Variants in PSD3 observed in about 807,000 individuals in gnomAD.
PSD3 encodes PH and SEC7 domain-containing protein 3.
Under a neutral mutation model 105.5 loss-of-function variants are expected in PSD3, and 49 were observed. The ratio of observed to expected loss-of-function variants is 0.46; its 90% CI spans 0.37 to 0.59. The LOEUF (loss-of-function observed/expected upper bound fraction) is 0.59, where lower values mean the gene tolerates loss of function less well. Among genes scored for constraint, PSD3 ranks in the 20% least tolerant of loss-of-function variants. The pLI, the probability that PSD3 is intolerant of heterozygous loss-of-function variation, is 0.00. For synonymous variants in PSD3, 557 were observed against 457.8 expected (o/e 1.22, Z -2.77); for missense variants, 1,561 against 1,263.8 (o/e 1.24, Z -3.57).
In PSD3 at chr8:18,964,269, G is replaced by A. The variant is rs73588659; in HGVS notation, c.22-28127C>T. Among the ~76,000 whole-genome samples, 1,059 of 152,206 alleles carry A rather than the reference G, an allele frequency of 7.0e-3. 13 individuals are homozygous for A. Among genetic ancestry groups the A allele is most frequent in the African/African-American group, 0.024 (1,017 of 41,528 alleles). ...CATCCCAGTAGCTGGGACTACATGTGCCACCATGCCTGGCTAATTGTTTTA... is the reference window on the plus strand; with the variant it reads ...CATCCCAGTAGCTGGGACTACATGTACCACCATGCCTGGCTAATTGTTTTA... On this transcript the variant is annotated intron_variant, in intron 1 of 15. Transcript: ENST00000327040.
chr8:18,722,793 A>G (rs1413768574), intron 9 of PSD3, among the ~76,000 whole-genome samples: 1 of 152,136 alleles, frequency 6.6e-6, no homozygotes, highest in South Asian at 2.1e-4. Flanking sequence ...TCATCTATCT[A>G]TAGAGCCCAT....
chr8:18,621,301 A>G (rs1275737931), intron 11 of PSD3, among the ~76,000 whole-genome samples: 2 of 152,168 alleles, frequency 1.3e-5, no homozygotes, highest in African/African-American at 2.4e-5. Context: ...CCTGTTACTC[A>G]GGAGGCCACA....
intron 4 of PSD3, among the ~76,000 whole-genome samples, chr8:18,829,986 T>A (rs1344403254): frequency 6.6e-6 from 1 of 152,170 alleles, no homozygotes. Flanking sequence ...ATTTTATTTT[T>A]TTGAGATGGA....
upstream of PSD3, among the ~76,000 whole-genome samples, chr8:19,015,356 C>G (rs56990136): frequency 2.2e-4 from 33 of 152,238 alleles, no homozygotes; most frequent in Admixed American, 2.0e-3. Context: ...GCCCAGTCTC[C>G]GGTGTGTCTT....
At chr8:18,724,060 G>T (rs1191546217) in intron 9 of PSD3, among the ~76,000 whole-genome samples, 1 of 152,104 alleles carries the variant, frequency 6.6e-6, no homozygotes, top group African/African-American at 2.4e-5. Flanking sequence ...TCTTTTGAGG[G>T]TTAATGATAA....
At chr8:18,747,636 A>T (rs2129436598) in intron 9 of PSD3, among the ~76,000 whole-genome samples, 1 of 152,316 alleles carries the variant, frequency 6.6e-6, no homozygotes, top group South Asian at 2.1e-4. Context: ...GAACACCAGC[A>T]GAGATTATGG....
At chr8:18,778,284 T>G (rs1385022394) in intron 8 of PSD3, among the ~76,000 whole-genome samples, 1 of 152,186 alleles carries the variant, frequency 6.6e-6, no homozygotes, top group African/African-American at 2.4e-5. Flanking sequence ...TATTAGAGAA[T>G]AGACACACTG....
At chr8:18,791,135 G>A (rs958049811) in intron 8 of PSD3, among the ~76,000 whole-genome samples, 1 of 152,096 alleles carries the variant, frequency 6.6e-6, no homozygotes, top group Non-Finnish European at 1.5e-5. Context: ...TCAGTATCAC[G>A]AAAATGGCCA....
chr8:18,759,757 C>T (rs942515637), intron 9 of PSD3, among the ~76,000 whole-genome samples: 7 of 150,486 alleles, frequency 4.7e-5, no homozygotes, highest in Admixed American at 1.4e-4. Context: ...ACTGACCTTC[C>T]ACCCTTTATG....
intron 2 of PSD3, among the ~76,000 whole-genome samples, chr8:18,892,369 G>A (rs529494201): frequency 1.6e-3 from 230 of 148,336 alleles, no homozygotes; most frequent in African/African-American, 4.7e-3. Context: ...GACTACAGGC[G>A]CCCGCCACCA....
intron 9 of PSD3, among the ~76,000 whole-genome samples, chr8:18,715,933 T>C (rs1237923219): frequency 1.3e-5 from 2 of 152,128 alleles, no homozygotes; most frequent in Admixed American, 6.5e-5. Context: ...TCATAGAACA[T>C]AGATTTGAGT....
chr8:18,659,898 C>T (rs73589457), intron 9 of PSD3, among the ~76,000 whole-genome samples: 1,815 of 152,162 alleles, frequency 0.012, 38 homozygotes, highest in African/African-American at 0.041. Flanking sequence ...TGCAAGAGGG[C>T]AGGGTTTGGG....
chr8:18,659,530 T>G (rs552429635), intron 9 of PSD3, among the ~76,000 whole-genome samples: 24 of 152,358 alleles, frequency 1.6e-4, no homozygotes, highest in Non-Finnish European at 1.8e-4. Flanking sequence ...ACTTCATGTT[T>G]ACATCAACTA....
intron 15 of PSD3, among the ~76,000 whole-genome samples, chr8:18,545,857 A>G (rs1043129481): frequency 6.6e-6 from 1 of 152,212 alleles, no homozygotes; most frequent in African/African-American, 2.4e-5. Context: ...TCTTAATGGG[A>G]CAGGGTCAGT....
chr8:18,801,425 T>C (rs1040238650), intron 6 of PSD3, 43 bp from the exon 7 acceptor site: 1 of 1,104,428 alleles, frequency 9.1e-7, no homozygotes, highest in African/African-American at 1.6e-5. Context: ...TTTTCGAAAA[T>C]GCTATCACAC....
At chr8:18,984,217 A>C (rs1001964160) in intron 1 of PSD3, among the ~76,000 whole-genome samples, 1 of 150,594 alleles carries the variant, frequency 6.6e-6, no homozygotes, top group African/African-American at 2.4e-5. Context: ...TAATAATAAT[A>C]ATATCTACAA....
At chr8:19,017,367 A>G (rs1320801789), upstream of PSD3, among the ~76,000 whole-genome samples, 14 of 152,130 alleles carry the variant, frequency 9.2e-5, no homozygotes, top group Admixed American at 9.2e-4. Flanking sequence ...TACTCTTGAT[A>G]ATCTCATTGG....
intron 9 of PSD3, among the ~76,000 whole-genome samples, chr8:18,704,773 T>C (rs1242399247): frequency 6.6e-6 from 1 of 152,014 alleles, no homozygotes; most frequent in Non-Finnish European, 1.5e-5. Context: ...CAGCTTATGA[T>C]TAAAAACTGA....
Position 18,632,709 on chromosome 8 carries a change from T to C in PSD3, c.2314A>G (p.Asn772Asp). ...KTISRIGSTTNPFLDIPHDPN... is the reference protein window; with the variant it reads ...KTISRIGSTTDPFLDIPHDPN... ...TCATGAGGAATGTCCAAAAATGGGT[T>C]AGTAGTACTTCCAATACGACTGATG... The change falls in exon 11 of 16, where the codon AAC (asparagine) becomes GAC (aspartate). Residue 772 changes from asparagine to aspartate, a missense_variant. Asn to Asp is a conservative substitution (Grantham distance 23). Transcript: ENST00000327040. 6.2e-7 allele frequency: 1 copy of C among 1,611,726 alleles called. No homozygotes were observed. The highest frequency in any genetic ancestry group is 8.5e-7 in the Non-Finnish European group (1 of 1,178,126).
Sources: gnomAD v4.1 joint callset for allele counts (sites outside exome capture counted in the v4.1 genomes callset) on GRCh38, gnomAD v4.1.1 for gene constraint, MANE v1.5 for transcripts, NCBI Gene and HGNC (gene_info 2026-07-23, HGNC 2026-07-21) for gene names.